The following SVEP1 variants were observed in gnomAD, a reference collection of about 807,000 sequenced individuals.
SVEP1 encodes the protein sushi, von Willebrand factor type A, EGF and pentraxin domain containing 1.
A neutral mutation model predicts 367.3 loss-of-function variants in SVEP1; 164 were observed. That is an observed-to-expected ratio of 0.45 (90% confidence interval 0.39 to 0.51). SVEP1 has a LOEUF of 0.51. SVEP1 is among the 20% of genes least tolerant of loss of function. SVEP1 has a pLI of 0.00. For synonymous variants in SVEP1, 1,666 were observed against 1,611.6 expected, an observed-to-expected ratio of 1.03 and a Z score of -0.81; for missense variants, 4,117 against 4,425.3, an observed-to-expected ratio of 0.93 and a Z score of 1.98.
At chr9:110,510,491 C>A (rs1484159515) in intron 5 of SVEP1, among the ~76,000 whole-genome samples, 1 of 152,110 alleles carries the variant, frequency 6.6e-6, no homozygotes, top group African/African-American at 2.4e-5. Flanking sequence ...TAGAGGTCAC[C>A]CCATTCAGGA....
intron 35 of SVEP1, among the ~76,000 whole-genome samples, chr9:110,428,429 C>CACACACACACA (rs60798857): frequency 1.1e-4 from 17 of 151,214 alleles, no homozygotes; most frequent in South Asian, 4.2e-4. Flanking sequence ...CACACACACA[C>CACACACACACA]CATTAATCTC....
At chr9:110,450,036 A>G in intron 24 of SVEP1, 23 bp downstream of exon 24, 1 of 1,612,108 alleles carries the variant, frequency 6.2e-7, no homozygotes, top group Non-Finnish European at 8.5e-7. Flanking sequence ...AAACAGTGAA[A>G]AGAATCAGAC....
At chr9:110,568,220 G>A (rs1322650965) in intron 1 of SVEP1, among the ~76,000 whole-genome samples, 1 of 152,168 alleles carries the variant, frequency 6.6e-6, no homozygotes, top group Non-Finnish European at 1.5e-5. Context: ...CATCAGATGT[G>A]TCTCCAGCTC....
chr9:110,391,636 C>G (rs1446056423), intron 40 of SVEP1, among the ~76,000 whole-genome samples: 4 of 152,056 alleles, frequency 2.6e-5, no homozygotes, highest in Non-Finnish European at 5.9e-5. Context: ...TTGGAAACAT[C>G]CTGGTATTAA....
rs762019098 is a variant in SVEP1, at chr9:110,406,657, G to C, written c.8943C>G (p.Leu2981=). ...IQYQCFPGYK[L]HGNSSRRCLS... ...GGCACCTTCTTGATGAATTTCCATGGAGCTTATAACCAGGAAAGCACTGAT... is the reference window on the plus strand; with the variant it reads ...GGCACCTTCTTGATGAATTTCCATGCAGCTTATAACCAGGAAAGCACTGAT... Residue 2981 remains leucine (L), a synonymous_variant, in exon 38 of 48, where the codon CTC becomes CTG. Coordinates refer to ENST00000374469, the MANE Select transcript of SVEP1 (RefSeq NM_153366.4). 6.2e-7 allele frequency: 1 copy of C among 1,613,964 alleles called. No individual in the cohort carries two copies. The highest frequency in any genetic ancestry group is 8.5e-7 in the Non-Finnish European group (1 of 1,179,896).
intron 1 of SVEP1, among the ~76,000 whole-genome samples, chr9:110,578,682 A>G (rs1451776005): frequency 6.6e-6 from 1 of 152,156 alleles, no homozygotes; most frequent in East Asian, 1.9e-4. Flanking sequence ...CACTTTGTAA[A>G]CCATGCTCAC....
At chr9:110,563,307 T>G (rs1830453050) in intron 1 of SVEP1, among the ~76,000 whole-genome samples, 1 of 152,168 alleles carries the variant, frequency 6.6e-6, no homozygotes, top group Non-Finnish European at 1.5e-5. Flanking sequence ...TAATTACATA[T>G]GCCCACACAT....
At chr9:110,424,362 G>C (rs552427621) in intron 36 of SVEP1, among the ~76,000 whole-genome samples, 8 of 151,828 alleles carry the variant, frequency 5.3e-5, no homozygotes, top group African/African-American at 1.9e-4. Flanking sequence ...AAAAAAATAA[G>C]GTTAAGTGAA....
At chr9:110,537,343 C>A (rs1830091792) in intron 3 of SVEP1, among the ~76,000 whole-genome samples, 1 of 151,896 alleles carries the variant, frequency 6.6e-6, no homozygotes. Context: ...AACAATGCAT[C>A]TTATTAAGAA....
chr9:110,462,989 G>A (rs1828880813), intron 18 of SVEP1, among the ~76,000 whole-genome samples: 1 of 151,924 alleles, frequency 6.6e-6, no homozygotes, highest in South Asian at 2.1e-4. Context: ...CCAAAGAAGG[G>A]CAACTATGTG....
chr9:110,411,880 T>C (rs1828049779), intron 36 of SVEP1, 145 bp from the exon 37 acceptor site: 2 of 779,802 alleles, frequency 2.6e-6, no homozygotes, highest in African/African-American at 1.8e-5. Context: ...ACTGAGCTTA[T>C]TGATCAAATG....
chr9:110,455,934 C>G (rs558978458), intron 21 of SVEP1, among the ~76,000 whole-genome samples: 13 of 152,056 alleles, frequency 8.5e-5, no homozygotes, highest in African/African-American at 2.9e-4. Context: ...GCAAAAGATC[C>G]CAAATTAGAA....
At chr9:110,502,876 A>G (rs1244081490) in intron 6 of SVEP1, among the ~76,000 whole-genome samples, 162 bp downstream of exon 6, 1 of 152,262 alleles carries the variant, frequency 6.6e-6, no homozygotes, top group East Asian at 1.9e-4. Context: ...GGAGTAAGAC[A>G]ACACATCTGT....
At chr9:110,505,691 T>C (rs932033683) in intron 5 of SVEP1, among the ~76,000 whole-genome samples, 1 of 152,088 alleles carries the variant, frequency 6.6e-6, no homozygotes, top group Non-Finnish European at 1.5e-5. Flanking sequence ...TCTCTCTCCT[T>C]TCTCTTTTTT....
At chr9:110,462,276 C>T in intron 18 of SVEP1, among the ~76,000 whole-genome samples, 1 of 152,092 alleles carries the variant, frequency 6.6e-6, no homozygotes, top group Admixed American at 6.5e-5. Context: ...AAAAATAAAT[C>T]TATTAGCTTC....
At chr9:110,431,844 CA>C in intron 32 of SVEP1, 70 bp downstream of exon 32, 1 of 1,576,608 alleles carries the variant, frequency 6.3e-7, no homozygotes, top group South Asian at 1.1e-5. Flanking sequence ...TTAGAAATAA[CA>C]TACACTTAAA....
At chr9:110,540,521 A>C (rs1191612707) in intron 3 of SVEP1, among the ~76,000 whole-genome samples, 9 of 152,134 alleles carry the variant, frequency 5.9e-5, no homozygotes, top group African/African-American at 2.2e-4. Flanking sequence ...AAAAGTATTG[A>C]TATCTGGGTA....
intron 28 of SVEP1, 57 bp from the exon 29 acceptor site, chr9:110,435,421 T>C: frequency 6.3e-7 from 1 of 1,585,286 alleles, no homozygotes. Flanking sequence ...GATGGAGTTA[T>C]TACACATTAA....
At chr9:110,423,180 A>AAAAAAAAAAAAAAAAAAAAAT (rs1828198581) in intron 36 of SVEP1, among the ~76,000 whole-genome samples, 2 of 140,316 alleles carry the variant, frequency 1.4e-5, no homozygotes, top group Non-Finnish European at 1.5e-5. Flanking sequence ...AAAAAAAAAA[A>AAAAAAAAAAAAAAAAAAAAAT]AAAGAAAAAA....
Sources: allele counts gnomAD v4.1 joint callset (sites outside exome capture counted in the v4.1 genomes callset), GRCh38; gene constraint gnomAD v4.1.1; transcripts MANE v1.5; gene names NCBI Gene and HGNC (gene_info 2026-07-23, HGNC 2026-07-21).